The following SCFD1 variants were observed in gnomAD, a reference collection of about 807,000 sequenced individuals.
SCFD1 encodes the protein sec1 family domain containing 1, also known as sec1 family domain-containing protein 1.
Under a neutral mutation model 103.2 loss-of-function variants are expected in SCFD1, and 37 were observed. The ratio of observed to expected loss-of-function variants is 0.36; its 90% confidence interval spans 0.28 to 0.47. The LOEUF (loss-of-function observed/expected upper bound fraction) is 0.47. SCFD1 is among the 20% of genes least tolerant of loss of function. The pLI is 1.00. For synonymous variants in SCFD1, 264 were observed against 245.0 expected, an observed-to-expected ratio of 1.08 and a Z score of -0.73; for missense variants, 639 against 761.2, an observed-to-expected ratio of 0.84 and a Z score of 1.89.
chr14:30,654,573 C>T (rs1222193399), intron 10 of SCFD1, among the ~76,000 whole-genome samples: 1 of 151,774 alleles, frequency 6.6e-6, no homozygotes, highest in African/African-American at 2.4e-5. Context: ...ATTTGGGTGG[C>T]TGAGGCTTGA....
chr14:30,622,517 C>G, intron 1 of SCFD1, 118 bp downstream of exon 1: 2 of 1,430,980 alleles, frequency 1.4e-6, no homozygotes, highest in Non-Finnish European at 1.8e-6. Flanking sequence ...CCTAGAACAT[C>G]AAGAGCCCCT....
rs1378962347 is a variant in SCFD1 at position 30,661,821 on chromosome 14, AGC to A, written c.855+8234_855+8235del. On this transcript the variant is annotated intron_variant, in intron 10 of 24. Transcript: ENST00000458591. ...CTTGTGGAAATTAGTTTTAGGGATG[AGC>A]TTTGAAAAATAAATTTTTCACATAA... Among the ~76,000 whole-genome samples the A allele has an allele frequency of 2.0e-5, 3 of 152,160 alleles. No individual in the cohort carries two copies. In the East Asian group the frequency reaches 5.8e-4, roughly 29 times the overall value.
chr14:30,691,911 TCTG>T (rs1437935416), intron 14 of SCFD1, among the ~76,000 whole-genome samples: 4 of 151,504 alleles, frequency 2.6e-5, no homozygotes, highest in Non-Finnish European at 5.9e-5. Flanking sequence ...GAAATTAGAA[TCTG>T]CTATGGCATT....
intron 15 of SCFD1, among the ~76,000 whole-genome samples, chr14:30,699,403 C>G (rs1019192711): frequency 2.0e-5 from 3 of 152,054 alleles, no homozygotes. Context: ...TGTTATTTGT[C>G]GAGAACAATG....
intron 6 of SCFD1, among the ~76,000 whole-genome samples, chr14:30,642,499 C>G (rs1340191935): frequency 1.3e-5 from 2 of 152,028 alleles, no homozygotes; most frequent in African/African-American, 4.8e-5. Context: ...CCCCATATTC[C>G]CTGGGTGATT....
intron 2 of SCFD1, among the ~76,000 whole-genome samples, chr14:30,629,080 A>G (rs1441605893): frequency 6.6e-6 from 1 of 152,174 alleles, no homozygotes; most frequent in Non-Finnish European, 1.5e-5. Context: ...CTCTTGCATA[A>G]ACTATACTTG....
At chr14:30,667,990 T>C (rs1448199432) in intron 10 of SCFD1, among the ~76,000 whole-genome samples, 5 of 152,126 alleles carry the variant, frequency 3.3e-5, no homozygotes, top group African/African-American at 4.8e-5. Flanking sequence ...AGGTAATTTA[T>C]AGATTCAATG....
rs753855653 is a variant in SCFD1, at chr14:30,670,298, G to T, written c.898G>T (p.Val300Leu). Reference protein sequence around the residue: ...NRVNLEESSGVENSPAGARPK... With the variant: ...NRVNLEESSGLENSPAGARPK... Reference sequence around the variant, plus strand: ...GGTTAATTTGGAAGAATCTTCAGGAGTGGAAAACTCTCCAGCTGGTGCTAG... The same window carrying T: ...GGTTAATTTGGAAGAATCTTCAGGATTGGAAAACTCTCCAGCTGGTGCTAG... Residue 300 changes from valine (V) to leucine (L), a missense_variant, in exon 11 of 25, where the codon GTG becomes TTG. Coordinates refer to ENST00000458591, the MANE Select transcript of SCFD1 (RefSeq NM_016106.4). The T allele has an allele frequency of 1.7e-5, 27 of 1,597,574 alleles. No individual in the cohort carries two copies. In the South Asian group the frequency reaches 3.1e-4, roughly 18 times the overall value.
In SCFD1 at chr14:30,653,704, C is replaced by A. The variant is rs947740238; in HGVS notation, c.855+116C>A. 6 of 645,478 alleles carry A rather than the reference C, an allele frequency of 9.3e-6. 1 individual carries two copies. The South Asian group carries it at 1.3e-4, about 14-fold the overall frequency. The allele number at this position is 645,478 out of a possible 1,614,324, so 40.0% of individuals were successfully genotyped here. A position where few individuals can be genotyped will look rare whatever the true frequency, so the allele number is the denominator to read the frequency against. On this transcript the variant is annotated intron_variant, in intron 10 of 24. Transcript: ENST00000458591. The stretch of plus-strand genomic sequence containing the variant: ...AAAATGAGAAGGATGGAACTGAGAC[C>A]TATGAACAAAACAAGTGATGGGATT...
intron 20 of SCFD1, among the ~76,000 whole-genome samples, chr14:30,717,684 G>T (rs569330054): frequency 6.6e-6 from 1 of 152,044 alleles, no homozygotes; most frequent in Admixed American, 6.5e-5. Flanking sequence ...TTGAGGTCAG[G>T]AGTTCAAAAC....
At chr14:30,702,236 A>G in intron 16 of SCFD1, 60 bp from the exon 17 acceptor site, 1 of 1,122,460 alleles carries the variant, frequency 8.9e-7, no homozygotes, top group Non-Finnish European at 1.3e-6. Context: ...TCAAATGGCA[A>G]CAAATAACAT....
intron 23 of SCFD1, among the ~76,000 whole-genome samples, chr14:30,734,178 T>A (rs1893673324): frequency 6.6e-6 from 1 of 152,198 alleles, no homozygotes. Context: ...ATAAACTTTT[T>A]TATATTACAA....
intron 14 of SCFD1, among the ~76,000 whole-genome samples, chr14:30,684,527 A>G (rs573793743): frequency 6.6e-6 from 1 of 152,182 alleles, no homozygotes; most frequent in Non-Finnish European, 1.5e-5. Context: ...ATGTAAAATC[A>G]GTCTGATTGT....
intron 11 of SCFD1, among the ~76,000 whole-genome samples, chr14:30,671,548 A>G (rs934409220): frequency 5.9e-5 from 9 of 152,270 alleles, no homozygotes; most frequent in Non-Finnish European, 1.0e-4. Context: ...TTTTTAGAAC[A>G]TATGTTTAAG....
Position 30,734,778 on chromosome 14 carries a change from T to G in SCFD1, c.1837-12T>G, listed in dbSNP as rs775478705. The G allele has an allele frequency of 7.5e-6, 12 of 1,605,778 alleles. No individual in the cohort carries two copies. Among genetic ancestry groups the G allele is most frequent in the African/African-American group, 1.3e-5 (1 of 74,916 alleles). On this transcript the variant is annotated splice_polypyrimidine_tract_variant and intron_variant, in intron 23 of 24. Coordinates refer to ENST00000458591, the MANE Select transcript of SCFD1 (RefSeq NM_016106.4). ...GTTACTTGTATCTAAGTTCTGACTC[T>G]GATTTTTACAGGGGAAACAAGGCAA... is the stretch of plus-strand genomic sequence containing the variant.
At chr14:30,691,132 T>A (rs1282615692) in intron 14 of SCFD1, among the ~76,000 whole-genome samples, 1 of 152,188 alleles carries the variant, frequency 6.6e-6, no homozygotes, top group African/African-American at 2.4e-5. Flanking sequence ...TACATTAGAG[T>A]ATGACCTGTA....
At chr14:30,700,547 G>A (rs1316673627) in intron 16 of SCFD1, among the ~76,000 whole-genome samples, 10 of 152,200 alleles carry the variant, frequency 6.6e-5, no homozygotes, top group South Asian at 2.1e-4. Context: ...GGTGGCGTGC[G>A]CCTGTAATCC....
At chr14:30,699,494 T>C (rs1381145935) in intron 15 of SCFD1, among the ~76,000 whole-genome samples, 1 of 152,194 alleles carries the variant, frequency 6.6e-6, no homozygotes, top group Admixed American at 6.5e-5. Context: ...GTCTTGGGCT[T>C]TGGGTACTAA....
In SCFD1 at chr14:30,646,838, TGGCAG is replaced by T. The variant is rs1382623123; in HGVS notation, c.614-2688_614-2684del. On this transcript the variant is annotated intron_variant, in intron 7 of 24. Transcript: ENST00000458591. ...CTTCAGTTTCTTCCTTGTTAAACCT[TGGCAG>T]GTTCTATGTTTCCAGAAATTTACTC... is the stretch of plus-strand genomic sequence containing the variant. Among the ~76,000 whole-genome samples the T allele has an allele frequency of 2.0e-5, 3 of 152,320 alleles. No homozygotes were observed. The East Asian group carries it at 5.8e-4, about 29-fold the overall frequency.
Sources: gnomAD v4.1 joint callset for allele counts (sites outside exome capture counted in the v4.1 genomes callset) on GRCh38, gnomAD v4.1.1 for gene constraint, MANE v1.5 for transcripts, NCBI Gene and HGNC (gene_info 2026-07-23, HGNC 2026-07-21) for gene names.